The following JAKMIP1 variants were observed in gnomAD, a reference collection of about 807,000 sequenced individuals.
JAKMIP1 encodes janus kinase and microtubule interacting protein 1.
JAKMIP1 carries 33 observed loss-of-function variants against 113.0 expected under a neutral mutation model. That is an observed-to-expected ratio of 0.29 (90% CI 0.22 to 0.39). The LOEUF (loss-of-function observed/expected upper bound fraction) is 0.39. JAKMIP1 is among the 10% of genes least tolerant of loss of function. The pLI is 1.00. For missense variants in JAKMIP1, 813 were observed against 1,080.5 expected, an observed-to-expected ratio of 0.75 and a Z score of 3.47; for synonymous variants, 480 against 459.9, an observed-to-expected ratio of 1.04 and a Z score of -0.56.
In JAKMIP1 at chr4:6,061,649, G is replaced by C. The variant is rs1261665167; in HGVS notation, c.1560+663C>G. ...AGCCTGTTTCCTCATTCGGAAGATCGGGTTAATTCCTCCTGCTTCAGGGGG... is the reference window on the plus strand; with the variant it reads ...AGCCTGTTTCCTCATTCGGAAGATCCGGTTAATTCCTCCTGCTTCAGGGGG... On this transcript the variant is annotated intron_variant, in intron 10 of 20. Transcript: ENST00000409021. The surrounding 1 kb of genome is among the most constrained non-coding windows in gnomAD (Gnocchi z 5.3). Among the ~76,000 whole-genome samples the C allele has an allele frequency of 6.6e-6, 1 of 150,988 alleles. No individual in the cohort carries two copies. Among genetic ancestry groups the C allele is most frequent in the South Asian group, 2.1e-4 (1 of 4,768 alleles).
At chr4:6,072,354 G>A (rs1229868786) in intron 8 of JAKMIP1, among the ~76,000 whole-genome samples, 1 of 152,216 alleles carries the variant, frequency 6.6e-6, no homozygotes, top group Non-Finnish European at 1.5e-5. Flanking sequence ...AGCTGCCTCA[G>A]AGACTTTTTG....
chr4:6,181,703 C>CCATT lies in JAKMIP1; in HGVS notation c.-148+18546_-148+18549dup, dbSNP rs377333783. ...AGGGAGAGCAGCAGCAACGCAAGCT[C>CCATT]CATTCATTCATTCATTCATTCAACA... is the stretch of plus-strand genomic sequence containing the variant. On this transcript the variant is annotated intron_variant, in intron 1 of 20. Transcript: ENST00000409021. This position sits in a 1 kb window ranked among gnomAD's most constrained non-coding sequence, Gnocchi z 5.4. Among the ~76,000 whole-genome samples, 45 of 152,216 alleles carry CCATT rather than the reference C, an allele frequency of 3.0e-4. No homozygotes were observed. The highest frequency in any genetic ancestry group is 5.8e-4 in the African/African-American group (24 of 41,522).
At chr4:6,151,674 C>G (rs979298868) in intron 1 of JAKMIP1, among the ~76,000 whole-genome samples, 1 of 152,196 alleles carries the variant, frequency 6.6e-6, no homozygotes, top group African/African-American at 2.4e-5. Flanking sequence ...GTTCTCCTGT[C>G]TGCTGTTCAA....
chr4:6,174,099 A>T (rs1393925522), intron 1 of JAKMIP1, among the ~76,000 whole-genome samples: 1 of 152,172 alleles, frequency 6.6e-6, no homozygotes, highest in African/African-American at 2.4e-5. Context: ...ATCACAACAT[A>T]ATGATCAAAA....
intron 8 of JAKMIP1, among the ~76,000 whole-genome samples, chr4:6,071,254 A>G (rs867329530): frequency 6.6e-6 from 1 of 151,582 alleles, no homozygotes; most frequent in African/African-American, 2.4e-5. Flanking sequence ...GCTGGGCCTG[A>G]CCCCAGGCAG....
Position 6,065,279 on chromosome 4 carries a change from T to G in JAKMIP1, c.1303-271A>C, listed in dbSNP as rs1389295915. Among the ~76,000 whole-genome samples, 2 of 152,178 alleles carry G rather than the reference T, an allele frequency of 1.3e-5. No homozygotes were observed. The highest frequency in any genetic ancestry group is 2.9e-5 in the Non-Finnish European group (2 of 68,034). On this transcript the variant is annotated intron_variant, in intron 8 of 20. Coordinates refer to ENST00000409021, the MANE Select transcript of JAKMIP1 (RefSeq NM_001099433.2). The surrounding 1 kb of genome is among the most constrained non-coding windows in gnomAD (Gnocchi z 5.1). ...CCAGCTGTAGACCTGTGCAAACCAC[T>G]TGGCCCCTGGAGCACCAGCCTCCTT... is the stretch of plus-strand genomic sequence containing the variant.
chr4:6,091,381 C>G (rs1249604054), intron 3 of JAKMIP1, among the ~76,000 whole-genome samples: 2 of 152,336 alleles, frequency 1.3e-5, no homozygotes, highest in Admixed American at 6.5e-5. Flanking sequence ...TTTTACTTCT[C>G]TTACATATAC....
At chr4:6,082,665 G>A (rs1720755543) in intron 5 of JAKMIP1, among the ~76,000 whole-genome samples, 1 of 152,054 alleles carries the variant, frequency 6.6e-6, no homozygotes, top group South Asian at 2.1e-4. Flanking sequence ...ACTGCACCCA[G>A]CTAATTTTTT....
intron 1 of JAKMIP1, among the ~76,000 whole-genome samples, chr4:6,152,627 T>A (rs1721707972): frequency 6.6e-6 from 1 of 152,046 alleles, no homozygotes; most frequent in Admixed American, 6.6e-5. Context: ...TTGCAGCAGA[T>A]CTTTGCAATA....
intron 2 of JAKMIP1, among the ~76,000 whole-genome samples, chr4:6,111,800 T>C (rs1367654844): frequency 6.6e-6 from 1 of 152,190 alleles, no homozygotes; most frequent in East Asian, 1.9e-4. Flanking sequence ...GTAGCTCATA[T>C]CGCAGAACCA....
At position 6,112,900 on chromosome 4, in the gene JAKMIP1, C is replaced by A; in HGVS notation, c.-50G>T. The A allele has an allele frequency of 6.3e-7, 1 of 1,585,356 alleles. No homozygotes were observed. The highest frequency in any genetic ancestry group is 8.6e-7 in the Non-Finnish European group (1 of 1,162,360). ...AGATCCTGCGGTCCACACCTGTTCA[C>A]GCACGCCAGCCAGCAGGCGTGGCTA... On this transcript the variant is annotated 5_prime_UTR_variant, in exon 2 of 21. Coordinates refer to ENST00000409021, the MANE Select transcript of JAKMIP1 (RefSeq NM_001099433.2).
Position 6,108,338 on chromosome 4 carries a change from C to T in JAKMIP1, c.130-2371G>A, listed in dbSNP as rs897241296. On this transcript the variant is annotated intron_variant, in intron 2 of 20. Coordinates refer to ENST00000409021, the MANE Select transcript of JAKMIP1 (RefSeq NM_001099433.2). The surrounding 1 kb of genome is among the most constrained non-coding windows in gnomAD (Gnocchi z 5.6). ...AAAAAGCCGCCCAGCACTTTACCTC[C>T]AGGTGCCTCCAAGCTACCCCAAGTG... is the stretch of plus-strand genomic sequence containing the variant. 2.0e-5 allele frequency among the ~76,000 whole-genome samples: 3 copies of T among 152,156 alleles called. No individual in the cohort carries two copies. The highest frequency in any genetic ancestry group is 7.2e-5 in the African/African-American group (3 of 41,436).
At chr4:6,035,543 T>A (rs1180242121) in intron 19 of JAKMIP1, among the ~76,000 whole-genome samples, 3 of 152,108 alleles carry the variant, frequency 2.0e-5, no homozygotes, top group Admixed American at 6.5e-5. Flanking sequence ...AATGCTCCAA[T>A]GAGCCGCCAT....
chr4:6,032,857 C>G (rs28510368), intron 19 of JAKMIP1, among the ~76,000 whole-genome samples: 6,116 of 152,178 alleles, frequency 0.04, 393 homozygotes, highest in African/African-American at 0.13. Context: ...AGGGTCTCAG[C>G]GGGAGGCGGG....
At chr4:6,152,815 T>G (rs1211807950) in intron 1 of JAKMIP1, among the ~76,000 whole-genome samples, 1 of 145,258 alleles carries the variant, frequency 6.9e-6, no homozygotes, top group African/African-American at 2.5e-5. Context: ...TATATACATA[T>G]ATATATATAG....
At position 6,065,467 on chromosome 4, in the gene JAKMIP1, AAGG is replaced by A. The variant is rs1339119215; in HGVS notation, c.1303-462_1303-460del. 6.6e-6 allele frequency among the ~76,000 whole-genome samples: 1 copy of A among 152,196 alleles called. No individual in the cohort carries two copies. Among genetic ancestry groups the A allele is most frequent in the African/African-American group, 2.4e-5 (1 of 41,456 alleles). ...AGGGTCCAGGGAGATGCTCAGTTCT[AAGG>A]AGAAGAACTGGATGAATAAGGACAG... On this transcript the variant is annotated intron_variant, in intron 8 of 20. Coordinates refer to ENST00000409021, the MANE Select transcript of JAKMIP1 (RefSeq NM_001099433.2). The surrounding 1 kb of genome is among the most constrained non-coding windows in gnomAD (Gnocchi z 5.1).
chr4:6,098,920 C>A (rs1373746482), intron 3 of JAKMIP1, among the ~76,000 whole-genome samples: 1 of 152,200 alleles, frequency 6.6e-6, no homozygotes, highest in Non-Finnish European at 1.5e-5. Flanking sequence ...TGAGTAAAAT[C>A]ATATAGTATG....
In JAKMIP1 at chr4:6,137,484, G is replaced by T. The variant is rs1056899273; in HGVS notation, c.-147-24487C>A. ...TCTCACACCCTGGGTGACAGCAGAC[G>T]TGCTAAGTAGGAACCCCCTTCAAGT... On this transcript the variant is annotated intron_variant, in intron 1 of 20. Coordinates refer to ENST00000409021, the MANE Select transcript of JAKMIP1 (RefSeq NM_001099433.2). The surrounding 1 kb of genome is among the most constrained non-coding windows in gnomAD (Gnocchi z 4.5). 6.6e-6 allele frequency among the ~76,000 whole-genome samples: 1 copy of T among 152,190 alleles called. No homozygotes were observed. Among genetic ancestry groups the T allele is most frequent in the Non-Finnish European group, 1.5e-5 (1 of 68,038 alleles).
intron 19 of JAKMIP1, 145 bp from the exon 20 acceptor site, chr4:6,029,926 G>T: frequency 1.5e-6 from 1 of 647,968 alleles, no homozygotes; most frequent in Non-Finnish European, 2.8e-6. Flanking sequence ...ACATGCACAA[G>T]CCCATGTCAC....
Sources: allele counts gnomAD v4.1 joint callset (sites outside exome capture counted in the v4.1 genomes callset), GRCh38; gene constraint gnomAD v4.1.1; non-coding constraint Gnocchi (gnomAD v3.1); transcripts MANE v1.5; gene names NCBI Gene and HGNC (gene_info 2026-07-23, HGNC 2026-07-21).